Variants in PRKG1 observed in about 807,000 individuals in gnomAD.
PRKG1 encodes the protein protein kinase cGMP-dependent 1.
A neutral mutation model predicts 88.1 loss-of-function variants in PRKG1; 35 were observed. The ratio of observed to expected loss-of-function variants is 0.40; its 90% CI spans 0.30 to 0.53. The LOEUF (loss-of-function observed/expected upper bound fraction) is 0.53. Among genes scored for constraint, PRKG1 ranks in the 20% least tolerant of loss-of-function variants. The pLI, the probability that PRKG1 is intolerant of heterozygous loss-of-function variation, is 0.59. For synonymous variants in PRKG1, 303 were observed against 292.5 expected (o/e 1.04, Z -0.37); for missense variants, 540 against 839.8 (o/e 0.64, Z 4.41).
intron 5 of PRKG1, among the ~76,000 whole-genome samples, chr10:52,045,694 A>C (rs1237153817): frequency 6.6e-6 from 1 of 152,072 alleles, no homozygotes; most frequent in Non-Finnish European, 1.5e-5. Context: ...TTAGATAACT[A>C]TACTTGATGA....
At chr10:51,536,361 A>G (rs990568670) in intron 3 of PRKG1, among the ~76,000 whole-genome samples, 2 of 152,140 alleles carry the variant, frequency 1.3e-5, no homozygotes, top group Non-Finnish European at 2.9e-5. Context: ...GTGTCTCTTC[A>G]TGACCTTTGC....
At chr10:51,506,787 C>T (rs1389778278) in intron 3 of PRKG1, among the ~76,000 whole-genome samples, 1 of 152,100 alleles carries the variant, frequency 6.6e-6, no homozygotes, top group Non-Finnish European at 1.5e-5. Flanking sequence ...TTGACCCAGC[C>T]ATCCCATTAC....
In PRKG1 at chr10:52,220,736, G is replaced by A. The variant is rs140675051; in HGVS notation, c.1077-30834G>A. Reference sequence around the variant, plus strand: ...CTCCACCTCCACCCATGTTCCTGCAGAGGACAGGATTTCATTATTTTTATG... The same window carrying A: ...CTCCACCTCCACCCATGTTCCTGCAAAGGACAGGATTTCATTATTTTTATG... On this transcript the variant is annotated intron_variant, in intron 9 of 17. Coordinates refer to ENST00000373980, the MANE Select transcript of PRKG1 (RefSeq NM_006258.4). Among the ~76,000 whole-genome samples the A allele has an allele frequency of 5.6e-3, 859 of 152,180 alleles. 8 individuals carry two copies. The highest frequency in any genetic ancestry group is 0.02 in the African/African-American group (817 of 41,540).
At chr10:52,235,619 T>C (rs1485432610) in intron 9 of PRKG1, among the ~76,000 whole-genome samples, 1 of 110,786 alleles carries the variant, frequency 9.0e-6, no homozygotes, top group South Asian at 3.6e-4. Context: ...GAGCTAACTA[T>C]CCTAAATATA....
intron 5 of PRKG1, among the ~76,000 whole-genome samples, chr10:52,046,205 GAATGACGC>G (rs1845858924): frequency 1.3e-5 from 2 of 152,060 alleles, no homozygotes; most frequent in Admixed American, 1.3e-4. Flanking sequence ...TGGATTTGGA[GAATGACGC>G]AATAAAAATA....
rs775400775 is a variant in PRKG1, at chr10:52,271,519, C to T, written c.1313+30C>T. On this transcript the variant is annotated intron_variant, in intron 11 of 17. Coordinates refer to ENST00000373980, the MANE Select transcript of PRKG1 (RefSeq NM_006258.4). ...AGGCTCCATGCCAGGGACAGACGTACCCAACTCCAAGTGACAAATCCACCA... is the reference window on the plus strand; with the variant it reads ...AGGCTCCATGCCAGGGACAGACGTATCCAACTCCAAGTGACAAATCCACCA... 3.1e-6 allele frequency: 5 copies of T among 1,599,650 alleles called. No homozygotes were observed. The African/African-American group carries it at 4.0e-5, about 13-fold the overall frequency.
At chr10:51,980,417 A>G (rs756266151) in intron 5 of PRKG1, among the ~76,000 whole-genome samples, 1 of 152,120 alleles carries the variant, frequency 6.6e-6, no homozygotes, top group Admixed American at 6.6e-5. Flanking sequence ...TTGATTTTAC[A>G]ATATGTGCCC....
At chr10:51,847,376 G>A (rs1362365318) in intron 4 of PRKG1, among the ~76,000 whole-genome samples, 1 of 152,036 alleles carries the variant, frequency 6.6e-6, no homozygotes, top group Non-Finnish European at 1.5e-5. Context: ...CAGAATAAGG[G>A]AGTGATTGGC....
intron 14 of PRKG1, among the ~76,000 whole-genome samples, chr10:52,284,787 T>G (rs955825654): frequency 2.0e-5 from 3 of 152,154 alleles, no homozygotes; most frequent in African/African-American, 4.8e-5. Context: ...TGAAGGAAGA[T>G]TCATACAAAT....
chr10:51,797,357 A>G (rs980453106), intron 3 of PRKG1, among the ~76,000 whole-genome samples: 5 of 146,708 alleles, frequency 3.4e-5, no homozygotes, highest in African/African-American at 1.2e-4. Context: ...TGTTATATAT[A>G]TAAGAGAATA....
At chr10:51,865,253 C>T (rs1023791148) in intron 4 of PRKG1, among the ~76,000 whole-genome samples, 1 of 152,052 alleles carries the variant, frequency 6.6e-6, no homozygotes, top group African/African-American at 2.4e-5. Context: ...AGTTCAATTA[C>T]ATAAATGCTT....
chr10:52,221,548 G>A (rs1840245855), intron 9 of PRKG1, among the ~76,000 whole-genome samples: 1 of 151,946 alleles, frequency 6.6e-6, no homozygotes, highest in African/African-American at 2.4e-5. Context: ...CTTTATTAAT[G>A]TTATTTTTAA....
chr10:51,219,369 G>A (rs929136139), intron 2 of PRKG1, among the ~76,000 whole-genome samples: 1 of 152,140 alleles, frequency 6.6e-6, no homozygotes, highest in African/African-American at 2.4e-5. Flanking sequence ...GTGTACTGTA[G>A]TGTGATGAAT....
At chr10:52,089,315 C>T (rs1483778964) in intron 7 of PRKG1, among the ~76,000 whole-genome samples, 1 of 152,118 alleles carries the variant, frequency 6.6e-6, no homozygotes, top group South Asian at 2.1e-4. Flanking sequence ...GTGAAAAATG[C>T]ATTTTATAAT....
At chr10:51,795,217 A>G (rs1407822660) in intron 3 of PRKG1, among the ~76,000 whole-genome samples, 2 of 152,026 alleles carry the variant, frequency 1.3e-5, no homozygotes, top group African/African-American at 4.8e-5. Context: ...AGTTAGAGAA[A>G]CAGCTATTTT....
intron 3 of PRKG1, among the ~76,000 whole-genome samples, chr10:51,532,163 T>C (rs1239687347): frequency 6.6e-6 from 1 of 152,172 alleles, no homozygotes; most frequent in African/African-American, 2.4e-5. Context: ...GGAGAGCTTT[T>C]TCAACTGGTT....
At chr10:51,157,785 T>C (rs1041267932) in intron 2 of PRKG1, among the ~76,000 whole-genome samples, 1 of 151,928 alleles carries the variant, frequency 6.6e-6, no homozygotes, top group African/African-American at 2.4e-5. Context: ...TAAGTTAAAC[T>C]TTTTCGATGA....
At chr10:51,130,396 G>C (rs1275381484) in intron 1 of PRKG1, among the ~76,000 whole-genome samples, 1 of 152,086 alleles carries the variant, frequency 6.6e-6, no homozygotes, top group Non-Finnish European at 1.5e-5. Context: ...ACAATAAAGA[G>C]AAACTTCCCT....
intron 3 of PRKG1, among the ~76,000 whole-genome samples, chr10:51,596,367 T>A (rs1838448495): frequency 6.6e-6 from 1 of 152,162 alleles, no homozygotes; most frequent in Non-Finnish European, 1.5e-5. Context: ...CTTATCTTCT[T>A]CCTAAGGGAC....
Sources: gnomAD v4.1 joint callset for allele counts (sites outside exome capture counted in the v4.1 genomes callset) on GRCh38, gnomAD v4.1.1 for gene constraint, MANE v1.5 for transcripts, NCBI Gene and HGNC (gene_info 2026-07-23, HGNC 2026-07-21) for gene names.